KIF17: variants seen among roughly 807,000 people sequenced by gnomAD.
The protein encoded by KIF17 is kinesin-like protein KIF17.
Under a neutral mutation model 96.8 loss-of-function variants are expected in KIF17, and 80 were observed. The ratio of observed to expected loss-of-function variants is 0.83; its 90% CI spans 0.69 to 1.00. KIF17 has a LOEUF of 1.00. KIF17 is among the 50% of genes least tolerant of loss of function. KIF17 has a pLI of 0.00. For missense variants in KIF17, 1,280 were observed against 1,372.9 expected (o/e 0.93, Z 1.07); for synonymous variants, 567 against 587.5 (o/e 0.97, Z 0.51).
intron 4 of KIF17, among the ~76,000 whole-genome samples, chr1:20,707,838 TA>T (rs1022285557): frequency 3.6e-5 from 5 of 138,760 alleles, no homozygotes; most frequent in African/African-American, 1.1e-4. Context: ...TGTGTGTGTA[TA>T]AAAAATATAT....
Position 20,664,340 on chromosome 1 carries a change from T to G in KIF17, c.*244A>C. ...GCAGGTGAGCAGACGGAAACACTGA[T>G]GTGGTATGAACAGCTGGAGCAGGCC... On this transcript the variant is annotated 3_prime_UTR_variant, in exon 15 of 15. Transcript: ENST00000400463. 1 of 1,406,724 alleles carries G rather than the reference T, an allele frequency of 7.1e-7. No individual in the cohort carries two copies. The highest frequency in any genetic ancestry group is 9.2e-7 in the Non-Finnish European group (1 of 1,081,222). 87.1% of individuals were successfully genotyped at this position (1,406,724 alleles called of 1,614,324 possible).
Position 20,690,352 on chromosome 1 carries a change from G to GGGGCCCCC in KIF17, c.1234-18_1234-17insGGGGGCCC. ...TTCATACTCCTGGGGGGGTGGGAGGGACCAGAGGGCAGGCAGCATTTTATC... is the reference window on the plus strand; with the variant it reads ...TTCATACTCCTGGGGGGGTGGGAGGGGGGCCCCCACCAGAGGGCAGGCAGCATTTTATC... On this transcript the variant is annotated splice_polypyrimidine_tract_variant and intron_variant, in intron 6 of 14. Transcript: ENST00000400463. 1.0e-4 allele frequency: 45 copies of GGGGCCCCC among 450,794 alleles called. No homozygotes were observed. The highest frequency in any genetic ancestry group is 1.5e-4 in the Non-Finnish European group (36 of 234,850). The allele number at this position is 450,794 out of a possible 1,614,324, so 27.9% of individuals were successfully genotyped here.
Position 20,687,307 on chromosome 1 carries a change from G to T in KIF17, c.1938+81C>A. The T allele has an allele frequency of 6.9e-7, 1 of 1,446,318 alleles. No homozygotes were observed. Among genetic ancestry groups the T allele is most frequent in the Non-Finnish European group, 9.7e-7 (1 of 1,030,218 alleles). The allele number at this position is 1,446,318 out of a possible 1,614,324, so 89.6% of individuals were successfully genotyped here. ...GTGTCGGAGGCCATGTGTGTGAACA[G>T]TGTGTGCACAGTGAGCTCCGGGCCC... On this transcript the variant is annotated intron_variant, in intron 8 of 14. Coordinates refer to ENST00000400463, the MANE Select transcript of KIF17 (RefSeq NM_001122819.3). The surrounding 1 kb of genome is among the most constrained non-coding windows in gnomAD (Gnocchi z 4.4).
intron 3 of KIF17, among the ~76,000 whole-genome samples, chr1:20,711,548 C>T (rs1479287490): frequency 1.3e-5 from 2 of 152,284 alleles, no homozygotes; most frequent in Admixed American, 6.5e-5. Context: ...ATGTGTCCAT[C>T]GCTGCCACGG....
intron 5 of KIF17, among the ~76,000 whole-genome samples, chr1:20,702,408 G>A (rs949839142): frequency 3.3e-5 from 5 of 152,166 alleles, no homozygotes; most frequent in East Asian, 1.9e-4. Context: ...TGCGGGGGCC[G>A]CGGGCCGAGC....
chr1:20,690,352 G>GGGGGGCCCCCCC lies in KIF17; in HGVS notation c.1234-18_1234-17insGGGGGGGCCCCC. 2.2e-6 allele frequency: 1 copy of GGGGGGCCCCCCC among 451,172 alleles called. No homozygotes were observed. Among genetic ancestry groups the GGGGGGCCCCCCC allele is most frequent in the Admixed American group, 2.9e-5 (1 of 35,052 alleles). 27.9% of individuals were successfully genotyped at this position (451,172 alleles called of 1,614,324 possible). ...TTCATACTCCTGGGGGGGTGGGAGG[G>GGGGGGCCCCCCC]ACCAGAGGGCAGGCAGCATTTTATC... On this transcript the variant is annotated splice_polypyrimidine_tract_variant and intron_variant, in intron 6 of 14. Coordinates refer to ENST00000400463, the MANE Select transcript of KIF17 (RefSeq NM_001122819.3).
In KIF17 at chr1:20,687,318, G is replaced by T; in HGVS notation, c.1938+70C>A. 6.5e-7 allele frequency: 1 copy of T among 1,536,140 alleles called. No homozygotes were observed. Among genetic ancestry groups the T allele is most frequent in the Non-Finnish European group, 9.0e-7 (1 of 1,111,656 alleles). On this transcript the variant is annotated intron_variant, in intron 8 of 14. Coordinates refer to ENST00000400463, the MANE Select transcript of KIF17 (RefSeq NM_001122819.3). The surrounding 1 kb of genome is among the most constrained non-coding windows in gnomAD (Gnocchi z 4.4). ...CATGTGTGTGAACAGTGTGTGCACA[G>T]TGAGCTCCGGGCCCTGGGCAAGCTC...
chr1:20,682,608 C>T (rs2053848614), intron 11 of KIF17, 45 bp downstream of exon 11: 1 of 1,571,852 alleles, frequency 6.4e-7, no homozygotes, highest in Non-Finnish European at 8.8e-7. Flanking sequence ...GGGGTCTCAC[C>T]CATCTCTGGG....
In KIF17 at chr1:20,717,679, C is replaced by A; in HGVS notation, c.28G>T (p.Val10Leu). The part of the protein sequence containing the change: MASEAVKVV[V>L]RCRPMNQRER... ...CGCTGGTTCATGGGACGGCAGCGCA[C>A]GACAACCTTCACCGCCTCGGAGGCC... Residue 10 changes from valine to leucine, a missense_variant, in exon 1 of 15, where the codon GTG (valine) becomes TTG (leucine). Physicochemically the swap from Val to Leu is conservative, Grantham distance 32 (BLOSUM62 1). Transcript: ENST00000400463. 2 of 1,599,828 alleles carry A rather than the reference C, an allele frequency of 1.3e-6. No individual in the cohort carries two copies. Among genetic ancestry groups the A allele is most frequent in the Non-Finnish European group, 1.7e-6 (2 of 1,178,020 alleles).
chr1:20,690,137 A>G (rs762424490), intron 7 of KIF17, 51 bp downstream of exon 7: 1 of 1,606,446 alleles, frequency 6.2e-7, no homozygotes, highest in Non-Finnish European at 8.5e-7. Flanking sequence ...AGTGAGGCGG[A>G]AAGGAGGCCA....
At chr1:20,677,618 C>A (rs1210434152) in intron 11 of KIF17, among the ~76,000 whole-genome samples, 5 of 152,130 alleles carry the variant, frequency 3.3e-5, no homozygotes, top group Non-Finnish European at 7.3e-5. Context: ...CTTTGAGAGG[C>A]CGAGGTGGGT....
At chr1:20,696,185 C>T (rs1557597375) in intron 6 of KIF17, among the ~76,000 whole-genome samples, 1 of 152,130 alleles carries the variant, frequency 6.6e-6, no homozygotes, top group Non-Finnish European at 1.5e-5. Context: ...GACTGGGGAC[C>T]GGAACCCGGC....
intron 13 of KIF17, among the ~76,000 whole-genome samples, chr1:20,669,200 A>G (rs553686574): frequency 1.3e-5 from 2 of 152,248 alleles, no homozygotes; most frequent in Admixed American, 1.3e-4. Context: ...TGCTGGGGAC[A>G]GTAGCTCCCA....
chr1:20,670,727 G>A (rs369970705), intron 12 of KIF17, among the ~76,000 whole-genome samples: 2 of 152,288 alleles, frequency 1.3e-5, no homozygotes, highest in African/African-American at 2.4e-5. Context: ...GACAGCAGGC[G>A]AGGGTGGGGA....
At position 20,709,622 on chromosome 1, in the gene KIF17, A is replaced by G. The variant is rs944175797; in HGVS notation, c.670+17T>C. ...TGGGTCATCTGTCCCCCTGCCCCCA[A>G]CAATGGCCTCGCATACCCACGGCAG... On this transcript the variant is annotated intron_variant, in intron 4 of 14. Coordinates refer to ENST00000400463, the MANE Select transcript of KIF17 (RefSeq NM_001122819.3). The surrounding 1 kb of genome is among the most constrained non-coding windows in gnomAD (Gnocchi z 4.7). The G allele has an allele frequency of 1.9e-6, 3 of 1,613,674 alleles. No homozygotes were observed. The highest frequency in any genetic ancestry group is 2.5e-6 in the Non-Finnish European group (3 of 1,179,986).
Position 20,682,853 on chromosome 1 carries a change from C to T in KIF17, c.2263G>A (p.Gly755Arg), listed in dbSNP as rs760925611. The change falls in exon 11 of 15, where the codon GGA (glycine) becomes AGA (arginine). Residue 755 changes from glycine to arginine, a missense_variant. Transcript: ENST00000400463. ...AGGTCCTTGTTCTTGGCCTGCTCTCCACCCACAACCTGCTGCTCCAACAGC... is the reference window on the plus strand; with the variant it reads ...AGGTCCTTGTTCTTGGCCTGCTCTCTACCCACAACCTGCTGCTCCAACAGC... The part of the protein sequence containing the change: ...LQLLEQQVVG[G>R]EQAKNKDLKE... 1.2e-6 allele frequency: 2 copies of T among 1,611,826 alleles called. No homozygotes were observed. The highest frequency in any genetic ancestry group is 8.5e-7 in the Non-Finnish European group (1 of 1,179,944).
intron 11 of KIF17, among the ~76,000 whole-genome samples, chr1:20,678,511 T>G (rs1158805809): frequency 2.0e-5 from 3 of 151,976 alleles, no homozygotes; most frequent in Admixed American, 2.0e-4. Context: ...CAAAAAAACA[T>G]GCAGAAGAAC....
At position 20,685,073 on chromosome 1, in the gene KIF17, C is replaced by T. The variant is rs1403713194; in HGVS notation, c.2020-53G>A. 1 of 1,437,004 alleles carries T rather than the reference C, an allele frequency of 7.0e-7. No individual in the cohort carries two copies. The highest frequency in any genetic ancestry group is 9.6e-7 in the Non-Finnish European group (1 of 1,042,756). The allele number at this position is 1,437,004 out of a possible 1,614,324, so 89.0% of individuals were successfully genotyped here. A position where few individuals can be genotyped will look rare whatever the true frequency, so the allele number is the denominator to read the frequency against. On this transcript the variant is annotated intron_variant, in intron 9 of 14. Coordinates refer to ENST00000400463, the MANE Select transcript of KIF17 (RefSeq NM_001122819.3). The surrounding 1 kb of genome is among the most constrained non-coding windows in gnomAD (Gnocchi z 4.1). ...GGTGGGAAGGCCGCCCCAACCCCCG[C>T]CGACAGCTCCCAGGTGGCTCAATCC...
intron 11 of KIF17, among the ~76,000 whole-genome samples, chr1:20,673,585 C>T (rs539888938): frequency 2.0e-5 from 3 of 146,784 alleles, no homozygotes; most frequent in East Asian, 2.0e-4. Flanking sequence ...GGCTGGAGTG[C>T]GGTGGCATGA....
Sources: allele counts gnomAD v4.1 joint callset (sites outside exome capture counted in the v4.1 genomes callset), GRCh38; gene constraint gnomAD v4.1.1; non-coding constraint Gnocchi (gnomAD v3.1); transcripts MANE v1.5; gene names NCBI Gene and HGNC (gene_info 2026-07-23, HGNC 2026-07-21).